PRKD1: variants seen among roughly 807,000 people sequenced by gnomAD.
PRKD1 encodes protein kinase D1.
In PRKD1, 63 loss-of-function variants were observed where a neutral mutation model predicts 95.9. The observed-to-expected ratio is 0.66, with a 90% CI of 0.54 to 0.81. The LOEUF is 0.81. Ranked by LOEUF, PRKD1 falls within the 30% of genes least tolerant of loss-of-function variation. The probability of loss-of-function intolerance (pLI) is 0.00; values close to 1 mark genes in which losing one functional copy is unlikely to be tolerated. For missense variants in PRKD1, 1,048 were observed against 1,165.3 expected (o/e 0.90, Z 1.47); for synonymous variants, 425 against 423.1 (o/e 1.00, Z -0.05).
At chr14:29,709,179 A>C (rs1885224396) in intron 2 of PRKD1, among the ~76,000 whole-genome samples, 1 of 152,200 alleles carries the variant, frequency 6.6e-6, no homozygotes, top group Admixed American at 6.5e-5. Flanking sequence ...CAGTAAACAG[A>C]GTATGTTTCA....
intron 2 of PRKD1, among the ~76,000 whole-genome samples, chr14:29,701,570 G>C (rs1008581268): frequency 6.6e-6 from 1 of 152,096 alleles, no homozygotes; most frequent in Admixed American, 6.5e-5. Context: ...CATAAATTCT[G>C]AATTCCTTAC....
intron 13 of PRKD1, among the ~76,000 whole-genome samples, chr14:29,605,889 T>C (rs561236316): frequency 4.6e-5 from 7 of 152,350 alleles, no homozygotes; most frequent in African/African-American, 1.4e-4. Context: ...GTACGATATA[T>C]AGTGATAGCC....
rs1226627930 is a variant in PRKD1, at chr14:29,775,315, A to T, written c.265-49641T>A. On this transcript the variant is annotated intron_variant, in intron 1 of 17. Coordinates refer to ENST00000331968, the MANE Select transcript of PRKD1 (RefSeq NM_002742.3). ...ACAGTGGGTGCAGGACAGTGGGTGC[A>T]GCCCACCGAATGAGAGTCGAAGCAG... 2.6e-5 allele frequency among the ~76,000 whole-genome samples: 4 copies of T among 152,188 alleles called. 1 individual carries two copies. The highest frequency in any genetic ancestry group is 1.3e-4 in the Admixed American group (2 of 15,274).
At chr14:29,876,187 C>CA in intron 1 of PRKD1, among the ~76,000 whole-genome samples, 1 of 152,322 alleles carries the variant, frequency 6.6e-6, no homozygotes, top group Non-Finnish European at 1.5e-5. Context: ...TAGTCTGGAA[C>CA]AAAAACAGTC....
intron 13 of PRKD1, among the ~76,000 whole-genome samples, chr14:29,605,710 C>A (rs1003021928): frequency 5.9e-5 from 9 of 152,170 alleles, no homozygotes; most frequent in Non-Finnish European, 1.0e-4. Flanking sequence ...AAGTCTAGTG[C>A]CTGATACATA....
At chr14:29,718,251 T>C (rs1362455306) in intron 2 of PRKD1, among the ~76,000 whole-genome samples, 1 of 152,144 alleles carries the variant, frequency 6.6e-6, no homozygotes, top group Non-Finnish European at 1.5e-5. Flanking sequence ...CCCCATGCTG[T>C]TCTCGTGATA....
intron 1 of PRKD1, among the ~76,000 whole-genome samples, chr14:29,805,125 C>G (rs1180545138): frequency 6.6e-6 from 1 of 152,120 alleles, no homozygotes; most frequent in Admixed American, 6.5e-5. Flanking sequence ...TACAGTTGGT[C>G]TGCAGTGTGT....
chr14:29,917,834 A>T (rs148152067), intron 1 of PRKD1, among the ~76,000 whole-genome samples: 2 of 152,162 alleles, frequency 1.3e-5, no homozygotes, highest in African/African-American at 4.8e-5. Context: ...ACGCAATAGG[A>T]TCCTTACTTG....
At chr14:29,771,147 A>G (rs1888489419) in intron 1 of PRKD1, among the ~76,000 whole-genome samples, 1 of 152,164 alleles carries the variant, frequency 6.6e-6, no homozygotes, top group Admixed American at 6.5e-5. Flanking sequence ...TAAAGAATGA[A>G]AAAGCGAGTT....
chr14:29,640,516 T>C (rs1168227965), intron 4 of PRKD1, among the ~76,000 whole-genome samples: 2 of 152,232 alleles, frequency 1.3e-5, no homozygotes, highest in African/African-American at 4.8e-5. Flanking sequence ...AAAGCATAAT[T>C]ATTCTGGAAA....
chr14:29,757,802 A>T (rs1012065340), intron 1 of PRKD1, among the ~76,000 whole-genome samples: 1 of 152,064 alleles, frequency 6.6e-6, no homozygotes, highest in African/African-American at 2.4e-5. Context: ...AATGGCAGTA[A>T]TCCAAATAGG....
At chr14:29,866,347 A>G (rs1160084833) in intron 1 of PRKD1, among the ~76,000 whole-genome samples, 1 of 152,240 alleles carries the variant, frequency 6.6e-6, no homozygotes, top group African/African-American at 2.4e-5. Flanking sequence ...TATTAGCATC[A>G]TATACCATTC....
At chr14:29,655,297 T>C (rs1435976161) in intron 4 of PRKD1, among the ~76,000 whole-genome samples, 2 of 152,200 alleles carry the variant, frequency 1.3e-5, no homozygotes, top group Non-Finnish European at 2.9e-5. Context: ...TGAGTAAGAA[T>C]GATTTTTCAA....
At chr14:29,877,947 C>G (rs900283189) in intron 1 of PRKD1, among the ~76,000 whole-genome samples, 6 of 152,336 alleles carry the variant, frequency 3.9e-5, no homozygotes, top group African/African-American at 1.4e-4. Flanking sequence ...GGTACATATA[C>G]ACCATGGAAT....
intron 1 of PRKD1, among the ~76,000 whole-genome samples, chr14:29,856,369 T>TTGTTG (rs1892502357): frequency 6.6e-6 from 1 of 152,130 alleles, no homozygotes; most frequent in African/African-American, 2.4e-5. Context: ...AATACTTGAA[T>TTGTTG]AACTGATTGT....
In PRKD1 at chr14:29,675,861, C is replaced by G. The variant is rs144278692; in HGVS notation, c.404-9653G>C. The stretch of plus-strand genomic sequence containing the variant: ...GGATGAAGCTGGAAACCATCATTCT[C>G]AGCAAACTATCGCAAGGACAAAAAC... On this transcript the variant is annotated intron_variant, in intron 2 of 17. Transcript: ENST00000331968. 3.2e-3 allele frequency among the ~76,000 whole-genome samples: 486 copies of G among 151,878 alleles called. 1 individual carries two copies. Among genetic ancestry groups the G allele is most frequent in the Middle Eastern group, 0.01 (3 of 294 alleles).
intron 1 of PRKD1, among the ~76,000 whole-genome samples, chr14:29,853,672 T>C (rs1356138736): frequency 1.3e-5 from 2 of 152,294 alleles, no homozygotes; most frequent in African/African-American, 4.8e-5. Context: ...TCTTTGATAA[T>C]AGAGGATACA....
At chr14:29,909,329 C>A (rs1214335856) in intron 1 of PRKD1, among the ~76,000 whole-genome samples, 2 of 150,680 alleles carry the variant, frequency 1.3e-5, no homozygotes, top group Non-Finnish European at 3.0e-5. Flanking sequence ...CCCGAGCCTC[C>A]CCAGTGAGTG....
intron 1 of PRKD1, among the ~76,000 whole-genome samples, chr14:29,922,300 C>CAA (rs749652649): frequency 1.8e-4 from 13 of 73,798 alleles, no homozygotes; most frequent in South Asian, 8.4e-4. Context: ...GACTCCATCT[C>CAA]AAAAAAAAAA....
Sources: gnomAD v4.1 joint callset for allele counts (sites outside exome capture counted in the v4.1 genomes callset) on GRCh38, gnomAD v4.1.1 for gene constraint, MANE v1.5 for transcripts, NCBI Gene and HGNC (gene_info 2026-07-23, HGNC 2026-07-21) for gene names.